Variants in CCDC73 observed in about 807,000 individuals in gnomAD.
The protein encoded by CCDC73 is coiled-coil domain containing 73.
CCDC73 carries 95 observed loss-of-function variants against 116.5 expected under a neutral mutation model. The observed-to-expected ratio is 0.82, with a 90% CI of 0.69 to 0.97. The LOEUF (loss-of-function observed/expected upper bound fraction) is 0.97. Ranked by LOEUF, CCDC73 falls within the 50% of genes least tolerant of loss-of-function variation. The pLI, the probability that CCDC73 is intolerant of heterozygous loss-of-function variation, is 0.00. For missense variants in CCDC73, 1,066 were observed against 1,206.8 expected, an observed-to-expected ratio of 0.88 and a Z score of 1.73; for synonymous variants, 398 against 401.3, an observed-to-expected ratio of 0.99 and a Z score of 0.10.
chr11:32,735,392 A>G (rs1317250727), intron 2 of CCDC73, among the ~76,000 whole-genome samples: 1 of 152,214 alleles, frequency 6.6e-6, no homozygotes, highest in Non-Finnish European at 1.5e-5. Flanking sequence ...AAAGAGCCGA[A>G]TCATGAGTGA....
chr11:32,622,651 A>G (rs1254215981), intron 14 of CCDC73, among the ~76,000 whole-genome samples: 1 of 138,778 alleles, frequency 7.2e-6, no homozygotes, highest in African/African-American at 2.7e-5. Flanking sequence ...CTCCACATGT[A>G]TCATGGAACT....
At chr11:32,827,250 A>G in the CCDC73 span, among the ~76,000 whole-genome samples, 1 of 152,210 alleles carries the variant, frequency 6.6e-6, no homozygotes, top group Non-Finnish European at 1.5e-5. Context: ...TCTCTTGGGC[A>G]TTGTTGTTAC....
Position 32,614,317 on chromosome 11 carries a change from C to G in CCDC73, c.2001G>C (p.Leu667=). 1 of 1,612,170 alleles carries G rather than the reference C, an allele frequency of 6.2e-7. No homozygotes were observed. The highest frequency in any genetic ancestry group is 1.1e-5 in the South Asian group (1 of 90,998). Residue 667 remains leucine, a synonymous_variant, in exon 16 of 18, where the codon CTG becomes CTC. Transcript: ENST00000335185. Reference sequence around the variant, plus strand: ...TGCTGCACTCACTTTTTTTAGTTAACAGTTGTATTTGTTTTATTTTACATT... The same window carrying G: ...TGCTGCACTCACTTTTTTTAGTTAAGAGTTGTATTTGTTTTATTTTACATT... The part of the protein sequence containing the change: ...DKQCKIKQIQ[L]LTKKSECSIL...
At position 32,640,769 on chromosome 11, in the gene CCDC73, G is replaced by A. The variant is rs975515335; in HGVS notation, c.1050+1203C>T. On this transcript the variant is annotated intron_variant, in intron 13 of 17. Transcript: ENST00000335185. ...GATGTGGCTCACGCCTGTAATCCCA[G>A]CACTTTGGAAGGCTAAGGCAGGCGG... Among the ~76,000 whole-genome samples, 5 of 152,308 alleles carry A rather than the reference G, an allele frequency of 3.3e-5. No homozygotes were observed. The Middle Eastern group carries it at 0.01, about 311-fold the overall frequency.
chr11:32,633,985 C>A (rs1411524083), intron 14 of CCDC73, among the ~76,000 whole-genome samples: 1 of 152,072 alleles, frequency 6.6e-6, no homozygotes, highest in African/African-American at 2.4e-5. Context: ...CTCTTTCCTG[C>A]ACACCAACAT....
At chr11:32,816,768 T>A in the CCDC73 span, among the ~76,000 whole-genome samples, 1 of 152,260 alleles carries the variant, frequency 6.6e-6, no homozygotes, top group Non-Finnish European at 1.5e-5. Flanking sequence ...ACTAAATGGT[T>A]TTCTTTCTTT....
At chr11:32,796,256 T>A (rs896640858), upstream of CCDC73, among the ~76,000 whole-genome samples, 1 of 152,256 alleles carries the variant, frequency 6.6e-6, no homozygotes, top group Non-Finnish European at 1.5e-5. Context: ...TTTTGTTCAC[T>A]TGCTTACCAG....
chr11:32,731,135 C>T (rs953807966), intron 2 of CCDC73, among the ~76,000 whole-genome samples: 1 of 152,228 alleles, frequency 6.6e-6, no homozygotes, highest in Non-Finnish European at 1.5e-5. Flanking sequence ...TATCCTGCAC[C>T]TGGCTCGGAG....
chr11:32,631,138 A>G (rs1168012462), intron 14 of CCDC73, among the ~76,000 whole-genome samples: 1 of 152,252 alleles, frequency 6.6e-6, no homozygotes, highest in Non-Finnish European at 1.5e-5. Context: ...ATGATTAAAG[A>G]TTTCAACATT....
the CCDC73 span, among the ~76,000 whole-genome samples, chr11:32,821,302 A>T: frequency 0.029 from 4,436 of 152,298 alleles, 94 homozygotes; most frequent in Non-Finnish European, 0.044. Context: ...GACTCTATAC[A>T]AAGAAAATAT....
chr11:32,760,578 C>T (rs1253495752), intron 1 of CCDC73, among the ~76,000 whole-genome samples: 1 of 152,218 alleles, frequency 6.6e-6, no homozygotes, highest in African/African-American at 2.4e-5. Context: ...AGCTGGGATA[C>T]ACATTCTGCT....
intron 9 of CCDC73, among the ~76,000 whole-genome samples, chr11:32,674,161 A>AT (rs1007594209): frequency 3.3e-5 from 5 of 152,218 alleles, no homozygotes; most frequent in Admixed American, 1.3e-4. Flanking sequence ...CAAACAGAAG[A>AT]TTTTTTTGCA....
At chr11:32,625,180 C>T (rs372978694) in intron 14 of CCDC73, among the ~76,000 whole-genome samples, 72 of 152,116 alleles carry the variant, frequency 4.7e-4, no homozygotes, top group African/African-American at 1.6e-3. Context: ...TGTCTCTGCA[C>T]GTCAGATGGG....
chr11:32,661,666 A>G (rs1855928425), intron 9 of CCDC73, among the ~76,000 whole-genome samples: 1 of 151,210 alleles, frequency 6.6e-6, no homozygotes, highest in Admixed American at 6.6e-5. Context: ...TCCGTGGTGT[A>G]TATGTGCCAC....
intron 14 of CCDC73, among the ~76,000 whole-genome samples, chr11:32,616,734 G>A (rs1855477948): frequency 6.6e-6 from 1 of 152,172 alleles, no homozygotes; most frequent in Non-Finnish European, 1.5e-5. Flanking sequence ...TACATGTGAA[G>A]CACTGTACTA....
At chr11:32,830,493 T>G in the CCDC73 span, 5,650 of 1,458,366 alleles carry the variant, frequency 3.9e-3, 60 homozygotes, top group East Asian at 0.04. Context: ...TAATATTTTT[T>G]TTTGTTTGTT....
At chr11:32,791,518 A>G (rs1224791224) in intron 1 of CCDC73, among the ~76,000 whole-genome samples, 1 of 152,198 alleles carries the variant, frequency 6.6e-6, no homozygotes, top group African/African-American at 2.4e-5. Context: ...TTTTTTCATA[A>G]TTCATAAGAC....
At chr11:32,779,448 A>G (rs1373838269) in intron 1 of CCDC73, among the ~76,000 whole-genome samples, 3 of 152,186 alleles carry the variant, frequency 2.0e-5, no homozygotes, top group Non-Finnish European at 4.4e-5. Context: ...CAGTAATGTG[A>G]CCAGCACCTG....
intron 9 of CCDC73, among the ~76,000 whole-genome samples, chr11:32,660,769 G>A (rs1165941852): frequency 1.3e-5 from 2 of 152,118 alleles, no homozygotes. Flanking sequence ...GCACTGCAGT[G>A]AGTTGTGATA....
Sources: gnomAD v4.1 joint callset for allele counts (sites outside exome capture counted in the v4.1 genomes callset) on GRCh38, gnomAD v4.1.1 for gene constraint, MANE v1.5 for transcripts, NCBI Gene and HGNC (gene_info 2026-07-23, HGNC 2026-07-21) for gene names.